SLC37A1: variants seen among roughly 807,000 people sequenced by gnomAD.
SLC37A1 encodes the protein solute carrier family 37 member 1.
SLC37A1 carries 49 observed loss-of-function variants against 75.3 expected under a neutral mutation model. The ratio of observed to expected loss-of-function variants is 0.65; its 90% CI spans 0.52 to 0.83. The LOEUF is 0.83. SLC37A1 is among the 40% of genes least tolerant of loss of function. The pLI, the probability that SLC37A1 is intolerant of heterozygous loss-of-function variation, is 0.00. For synonymous variants in SLC37A1, 268 were observed against 292.1 expected, an observed-to-expected ratio of 0.92 and a Z score of 0.84; for missense variants, 566 against 695.0, an observed-to-expected ratio of 0.81 and a Z score of 2.09.
In SLC37A1 at chr21:42,547,054, T is replaced by G; in HGVS notation, c.731-49T>G. 3 of 1,613,740 alleles carry G rather than the reference T, an allele frequency of 1.9e-6. No homozygotes were observed. The highest frequency in any genetic ancestry group is 2.5e-6 in the Non-Finnish European group (3 of 1,179,654). ...CTCGGGTTACGTAGCTTACTTGGCA[T>G]TGCCATGGTGGTGGACCTGCTCAGC... On this transcript the variant is annotated intron_variant, in intron 8 of 19. Coordinates refer to ENST00000352133, the MANE Select transcript of SLC37A1 (RefSeq NM_001320537.2). The surrounding 1 kb of genome is among the most constrained non-coding windows in gnomAD (Gnocchi z 6.1).
chr21:42,575,052 C>T lies in SLC37A1; in HGVS notation c.1521+137C>T, dbSNP rs188402552. 670 of 1,448,894 alleles carry T rather than the reference C, an allele frequency of 4.6e-4. 4 individuals carry two copies. Among genetic ancestry groups the T allele is most frequent in the Admixed American group, 1.5e-4 (6 of 39,628 alleles). 89.8% of individuals were successfully genotyped at this position (1,448,894 alleles called of 1,614,324 possible). On this transcript the variant is annotated intron_variant, in intron 18 of 19. Coordinates refer to ENST00000352133, the MANE Select transcript of SLC37A1 (RefSeq NM_001320537.2). Reference sequence around the variant, plus strand: ...GGTCTTCCCATCTTTTCTAAATATGCGTGGTCTAAAGCTCCTTCTCTCTCT... The same window carrying T: ...GGTCTTCCCATCTTTTCTAAATATGTGTGGTCTAAAGCTCCTTCTCTCTCT...
In SLC37A1 at chr21:42,565,848, A is replaced by T. The variant is rs117821416; in HGVS notation, c.1243A>T (p.Ser415Cys). 6.2e-3 allele frequency: 10,010 copies of T among 1,614,098 alleles called. 79 individuals carry two copies. The highest frequency in any genetic ancestry group is 0.048 in the Middle Eastern group (291 of 6,062). ...APTLYIFSTVSKMGLEATIAM... is the reference protein window; with the variant it reads ...APTLYIFSTVCKMGLEATIAM... ...ACAGCTCTACATCTTCTCCACCGTC[A>T]GCAAGATGGGGCTTGAGGCCACCAT... is the stretch of plus-strand genomic sequence containing the variant. Residue 415 changes from serine (S) to cysteine (C), a missense_variant, in exon 15 of 20, where the codon AGC becomes TGC. By Grantham distance (112) the Ser-to-Cys change is moderately radical. Transcript: ENST00000352133.
At chr21:42,559,598 G>A (rs1465177190) in intron 11 of SLC37A1, among the ~76,000 whole-genome samples, 1 of 152,256 alleles carries the variant, frequency 6.6e-6, no homozygotes, top group Non-Finnish European at 1.5e-5. Flanking sequence ...CCTTTAGGCT[G>A]GGCGCAGTGG....
At chr21:42,505,444 C>T (rs956805175) in intron 2 of SLC37A1, among the ~76,000 whole-genome samples, 14 of 152,204 alleles carry the variant, frequency 9.2e-5, no homozygotes, top group African/African-American at 3.1e-4. Context: ...ACTTACACAA[C>T]CCCATAGGCA....
chr21:42,567,152 A>AT, intron 16 of SLC37A1, 94 bp downstream of exon 16: 1 of 1,366,196 alleles, frequency 7.3e-7, no homozygotes, highest in Non-Finnish European at 1.0e-6. Context: ...GTAAAACTGC[A>AT]TTTGCAGAAG....
In SLC37A1 at chr21:42,566,965, T is replaced by C; in HGVS notation, c.1271-20T>C. ...CTCTGGAGGGCACATTTCCATTCTTTGCCCCTCTGCCTCCCACAGCCATGC... is the reference window on the plus strand; with the variant it reads ...CTCTGGAGGGCACATTTCCATTCTTCGCCCCTCTGCCTCCCACAGCCATGC... On this transcript the variant is annotated intron_variant, in intron 15 of 19. Coordinates refer to ENST00000352133, the MANE Select transcript of SLC37A1 (RefSeq NM_001320537.2). 1.2e-6 allele frequency: 2 copies of C among 1,601,608 alleles called. No homozygotes were observed. The highest frequency in any genetic ancestry group is 1.7e-6 in the Non-Finnish European group (2 of 1,178,742).
Position 42,580,539 on chromosome 21 carries a change from T to C in SLC37A1, c.*179T>C. ...CCCTGGTGCTATTTTAAAGGAGACA[T>C]ATTGCTGAACAGCAGTGAGAAAAGT... On this transcript the variant is annotated 3_prime_UTR_variant, in exon 20 of 20. Coordinates refer to ENST00000352133, the MANE Select transcript of SLC37A1 (RefSeq NM_001320537.2). 1 of 658,212 alleles carries C rather than the reference T, an allele frequency of 1.5e-6. No individual in the cohort carries two copies. Among genetic ancestry groups the C allele is most frequent in the Admixed American group, 3.0e-5 (1 of 33,710 alleles). 40.8% of individuals were successfully genotyped at this position (658,212 alleles called of 1,614,324 possible).
intron 17 of SLC37A1, among the ~76,000 whole-genome samples, chr21:42,570,122 T>C (rs9982767): frequency 0.09 from 2,923 of 32,318 alleles, 345 homozygotes; most frequent in African/African-American, 0.11. Context: ...GCAGGGTGGC[T>C]GTTGCCATGT....
At chr21:42,508,244 G>A (rs927657878) in intron 2 of SLC37A1, among the ~76,000 whole-genome samples, 11 of 147,872 alleles carry the variant, frequency 7.4e-5, no homozygotes, top group African/African-American at 2.0e-4. Context: ...TTCTTCTGCC[G>A]CAGCCTCCCC....
intron 2 of SLC37A1, among the ~76,000 whole-genome samples, chr21:42,524,615 G>T (rs185682541): frequency 1.1e-4 from 16 of 152,352 alleles, no homozygotes; most frequent in Non-Finnish European, 1.8e-4. Flanking sequence ...AGGATAGCAG[G>T]CTACGCCAGA....
intron 12 of SLC37A1, among the ~76,000 whole-genome samples, chr21:42,563,441 G>A (rs184442017): frequency 1.3e-5 from 2 of 152,068 alleles, no homozygotes; most frequent in Non-Finnish European, 2.9e-5. Context: ...AGCTGGTGCC[G>A]GGAGGCCTCT....
In SLC37A1 at chr21:42,565,808, T is replaced by G. The variant is rs1427213663; in HGVS notation, c.1222-19T>G. 1.2e-6 allele frequency: 2 copies of G among 1,612,670 alleles called. No homozygotes were observed. Among genetic ancestry groups the G allele is most frequent in the South Asian group, 2.2e-5 (2 of 90,926 alleles). On this transcript the variant is annotated intron_variant, in intron 14 of 19. Coordinates refer to ENST00000352133, the MANE Select transcript of SLC37A1 (RefSeq NM_001320537.2). ...TTGCAGCCAGCCATGGCTTTGACCT[T>G]GTGTCTTGATGTCCACAGCTCTACA...
chr21:42,573,608 T>TAA (rs998521320), intron 17 of SLC37A1, among the ~76,000 whole-genome samples: 3 of 147,038 alleles, frequency 2.0e-5, no homozygotes, highest in Non-Finnish European at 4.5e-5. Context: ...TTCTGAGAAT[T>TAA]AAAAAAAAAA....
intron 17 of SLC37A1, among the ~76,000 whole-genome samples, chr21:42,570,132 T>TCATGC (rs1212920179): frequency 7.7e-4 from 39 of 50,902 alleles, no homozygotes; most frequent in African/African-American, 1.7e-3. Flanking sequence ...TGTTGCCATG[T>TCATGC]GACACACGGC....
rs1161313598 is a variant in SLC37A1 at position 42,530,654 on chromosome 21, A to ACACACACACACACACACACACC, written c.139-4043_139-4042insACACACACACACACACACACCC. Among the ~76,000 whole-genome samples, 33 of 35,898 alleles carry ACACACACACACACACACACACC rather than the reference A, an allele frequency of 9.2e-4. 1 individual carries two copies. The highest frequency in any genetic ancestry group is 1.4e-3 in the Admixed American group (4 of 2,766). 23.6% of individuals were successfully genotyped at this position (35,898 alleles called of 152,430 possible). ...CACACACACACACACACACACACAC[A>ACACACACACACACACACACACC]CCCCCTCTGTGTTGGCTGAAGGTGG... On this transcript the variant is annotated intron_variant, in intron 3 of 19. Transcript: ENST00000352133.
chr21:42,567,193 G>C, intron 16 of SLC37A1, 135 bp downstream of exon 16: 3 of 835,060 alleles, frequency 3.6e-6, no homozygotes, highest in Non-Finnish European at 5.7e-6. Context: ...TACACCTGTG[G>C]TCTCCAGCCT....
At chr21:42,524,920 C>T (rs2054742370) in intron 2 of SLC37A1, among the ~76,000 whole-genome samples, 1 of 152,180 alleles carries the variant, frequency 6.6e-6, no homozygotes, top group Non-Finnish European at 1.5e-5. Context: ...GGCAACCGAC[C>T]ACGTGATTAG....
At chr21:42,565,572 C>CT (rs2055955077) in intron 14 of SLC37A1, among the ~76,000 whole-genome samples, 1 of 152,182 alleles carries the variant, frequency 6.6e-6, no homozygotes, top group South Asian at 2.1e-4. Flanking sequence ...CTGCCCTTGG[C>CT]TGGGGGTGTA....
chr21:42,511,749 C>T (rs115286545), upstream of SLC37A1, among the ~76,000 whole-genome samples: 1,527 of 152,222 alleles, frequency 0.01, 21 homozygotes, highest in African/African-American at 0.035. Context: ...ATTGCACTCA[C>T]GCCACTGCCC....
Sources: gnomAD v4.1 joint callset for allele counts (sites outside exome capture counted in the v4.1 genomes callset) on GRCh38, gnomAD v4.1.1 for gene constraint, Gnocchi (gnomAD v3.1) non-coding constraint, MANE v1.5 for transcripts, NCBI Gene and HGNC (gene_info 2026-07-23, HGNC 2026-07-21) for gene names.